TMEM248: variants seen among roughly 807,000 people sequenced by gnomAD.
TMEM248 encodes the protein UPF0458 protein C7orf42.
TMEM248 carries 9 observed loss-of-function variants against 30.3 expected under a neutral mutation model. The observed-to-expected ratio is 0.30, with a 90% confidence interval of 0.18 to 0.52. The LOEUF (loss-of-function observed/expected upper bound fraction) is 0.52, where lower values mean the gene tolerates loss of function less well. Ranked by LOEUF, TMEM248 falls within the 20% of genes least tolerant of loss-of-function variation. TMEM248 has a pLI of 0.97. For missense variants in TMEM248, 338 were observed against 403.3 expected, an observed-to-expected ratio of 0.84 and a Z score of 1.39; for synonymous variants, 184 against 154.4, an observed-to-expected ratio of 1.19 and a Z score of -1.42.
intron 1 of TMEM248, among the ~76,000 whole-genome samples, chr7:66,939,613 G>A (rs942623803): frequency 7.2e-5 from 11 of 152,212 alleles, no homozygotes; most frequent in Non-Finnish European, 4.4e-5. Flanking sequence ...TGTTCTAGGG[G>A]CCAGGGGCCA....
chr7:66,946,452 C>T (rs1351254391), intron 3 of TMEM248, among the ~76,000 whole-genome samples: 5 of 151,868 alleles, frequency 3.3e-5, no homozygotes, highest in East Asian at 3.9e-4. Context: ...TGGTGGCAGG[C>T]GCCCGTGATC....
rs186630102 is a variant in TMEM248, at chr7:66,948,924, C to T, written c.596+230C>T. Among the ~76,000 whole-genome samples, 221 of 152,270 alleles carry T rather than the reference C, an allele frequency of 1.5e-3. 1 individual carries two copies. The highest frequency in any genetic ancestry group is 2.3e-3 in the Non-Finnish European group (154 of 68,034). ...TAAAATCAGAAAGTTAGTGCCCCCTCGAGGCAGTAAAAGCACCTGGCTGTT... is the reference window on the plus strand; with the variant it reads ...TAAAATCAGAAAGTTAGTGCCCCCTTGAGGCAGTAAAAGCACCTGGCTGTT... On this transcript the variant is annotated intron_variant, in intron 4 of 6. Coordinates refer to ENST00000341567, the MANE Select transcript of TMEM248 (RefSeq NM_017994.5).
chr7:66,932,389 G>A (rs745357900), intron 1 of TMEM248, among the ~76,000 whole-genome samples: 103 of 152,110 alleles, frequency 6.8e-4, no homozygotes, highest in Non-Finnish European at 5.7e-4. Context: ...ATATTATCAG[G>A]GTAACCTGGA....
At chr7:66,926,299 C>T (rs1791522656) in intron 1 of TMEM248, among the ~76,000 whole-genome samples, 1 of 152,140 alleles carries the variant, frequency 6.6e-6, no homozygotes, top group Non-Finnish European at 1.5e-5. Flanking sequence ...TCAAACAACT[C>T]AGTAGCAAGA....
chr7:66,938,736 G>A (rs1295187750), intron 1 of TMEM248, among the ~76,000 whole-genome samples: 1 of 152,166 alleles, frequency 6.6e-6, no homozygotes, highest in Non-Finnish European at 1.5e-5. Flanking sequence ...TTGAACTCCT[G>A]ACCTCGTGAT....
rs374702552 is a variant in TMEM248, at chr7:66,941,962, G to C, written c.97G>C (p.Ala33Pro). Residue 33 changes from alanine to proline, a missense_variant, in exon 2 of 7, where the codon GCT (alanine) becomes CCT (proline). By Grantham distance (27) the Ala-to-Pro change is conservative. Coordinates refer to ENST00000341567, the MANE Select transcript of TMEM248 (RefSeq NM_017994.5). ...GATCAGCGTAAGCGCCATGGCCATA[G>C]CTTTCCTGACCCTGGGCTACTTCTT... Reference protein sequence around the residue: ...FMISVSAMAIAFLTLGYFFKI... With the variant: ...FMISVSAMAIPFLTLGYFFKI... 153 of 1,614,066 alleles carry C rather than the reference G, an allele frequency of 9.5e-5. No individual in the cohort carries two copies. Among genetic ancestry groups the C allele is most frequent in the Non-Finnish European group, 1.2e-4 (146 of 1,180,046 alleles).
At chr7:66,928,638 C>T (rs950236711) in intron 1 of TMEM248, among the ~76,000 whole-genome samples, 9 of 152,294 alleles carry the variant, frequency 5.9e-5, no homozygotes, top group Middle Eastern at 3.4e-3. Context: ...CTCACTCCTT[C>T]GTCCTTGTCA....
chr7:66,947,292 G>T (rs1323109521), intron 3 of TMEM248, among the ~76,000 whole-genome samples: 1 of 151,882 alleles, frequency 6.6e-6, no homozygotes, highest in African/African-American at 2.4e-5. Context: ...CCTCCTATTG[G>T]CTGTTAGAGG....
chr7:66,925,479 T>C (rs148905758), intron 1 of TMEM248, among the ~76,000 whole-genome samples: 2 of 152,254 alleles, frequency 1.3e-5, no homozygotes, highest in Non-Finnish European at 2.9e-5. Context: ...ATGAGTTCCA[T>C]TGTCTTCTAG....
chr7:66,946,487 G>A (rs1201656486), intron 3 of TMEM248, among the ~76,000 whole-genome samples: 1 of 151,928 alleles, frequency 6.6e-6, no homozygotes, highest in Non-Finnish European at 1.5e-5. Flanking sequence ...GGCTGAGGTG[G>A]GAGAATCACT....
chr7:66,923,915 C>T (rs1297581955), intron 1 of TMEM248, among the ~76,000 whole-genome samples: 1 of 152,214 alleles, frequency 6.6e-6, no homozygotes, highest in Non-Finnish European at 1.5e-5. Flanking sequence ...ATCCGCCTGC[C>T]TCAGCCTCCC....
At chr7:66,943,889 C>A (rs528229628) in intron 2 of TMEM248, among the ~76,000 whole-genome samples, 17 of 151,862 alleles carry the variant, frequency 1.1e-4, no homozygotes, top group Admixed American at 6.6e-4. Context: ...CCTCTGCCCC[C>A]CTTCAAACGA....
chr7:66,941,298 T>C (rs1395013695), intron 1 of TMEM248, among the ~76,000 whole-genome samples: 3 of 151,488 alleles, frequency 2.0e-5, no homozygotes, highest in African/African-American at 4.9e-5. Flanking sequence ...GGAGAATCAC[T>C]TGAACCCAGG....
chr7:66,926,924 T>C (rs1160259355), intron 1 of TMEM248, among the ~76,000 whole-genome samples: 2 of 152,142 alleles, frequency 1.3e-5, no homozygotes, highest in African/African-American at 4.8e-5. Context: ...TTTTGTGTTG[T>C]TTGGTTACAA....
At position 66,955,442 on chromosome 7, in the gene TMEM248, G is replaced by T. The variant is rs187194068; in HGVS notation, c.925-60G>T. 45 of 1,608,698 alleles carry T rather than the reference G, an allele frequency of 2.8e-5. No individual in the cohort carries two copies. In the African/African-American group the frequency reaches 4.4e-4, roughly 16 times the overall value. On this transcript the variant is annotated intron_variant, in intron 6 of 6. Transcript: ENST00000341567. ...AGTGTGGCATCCTGGTCTTTGGGTA[G>T]GGGCTGAGTTACCTAGGCTTCCCTT...
Position 66,955,641 on chromosome 7 carries a change from C to A in TMEM248, c.*119C>A. 3 of 1,252,756 alleles carry A rather than the reference C, an allele frequency of 2.4e-6. No homozygotes were observed. Among genetic ancestry groups the A allele is most frequent in the Non-Finnish European group, 3.4e-6 (3 of 882,666 alleles). 77.6% of individuals were successfully genotyped at this position (1,252,756 alleles called of 1,614,324 possible). Reference sequence around the variant, plus strand: ...ATCTTGCGATGTTGGGTTATTCCAGCCAAAGACATTTCAAGTGCCTGTAAC... The same window carrying A: ...ATCTTGCGATGTTGGGTTATTCCAGACAAAGACATTTCAAGTGCCTGTAAC... On this transcript the variant is annotated 3_prime_UTR_variant, in exon 7 of 7. Transcript: ENST00000341567.
chr7:66,923,037 G>C (rs1297873897), intron 1 of TMEM248, among the ~76,000 whole-genome samples: 1 of 152,154 alleles, frequency 6.6e-6, no homozygotes, highest in Non-Finnish European at 1.5e-5. Context: ...GTTTCTGCCT[G>C]TAAGGAATGT....
In TMEM248 at chr7:66,951,103, T is replaced by C; in HGVS notation, c.748T>C (p.Leu250=). The stretch of plus-strand genomic sequence containing the variant: ...GGCCATTGGAAAAGTCTATCATGCT[T>C]TAAATCCCAAGCTTACAGTGATTGT... ...KGAIGKVYHA[L]NPKLTVIVPD... is the part of the protein sequence containing the mutation. The change falls in exon 5 of 7, where the codon TTA becomes CTA. Residue 250 remains leucine, a synonymous_variant. Transcript: ENST00000341567. 1.9e-6 allele frequency: 3 copies of C among 1,602,348 alleles called. No homozygotes were observed. Among genetic ancestry groups the C allele is most frequent in the Non-Finnish European group, 1.7e-6 (2 of 1,175,194 alleles).
chr7:66,927,465 C>G (rs1186939839), intron 1 of TMEM248, among the ~76,000 whole-genome samples: 1 of 148,456 alleles, frequency 6.7e-6, no homozygotes, highest in Non-Finnish European at 1.5e-5. Context: ...GACAAGGTTT[C>G]TCCCTGTCAC....
Sources: gnomAD v4.1 joint callset for allele counts (sites outside exome capture counted in the v4.1 genomes callset) on GRCh38, gnomAD v4.1.1 for gene constraint, MANE v1.5 for transcripts, NCBI Gene and HGNC (gene_info 2026-07-23, HGNC 2026-07-21) for gene names.